Variants in CFAP299 observed in about 807,000 individuals in gnomAD.
CFAP299 encodes cilia and flagella associated protein 299, also known as cilia- and flagella-associated protein 299.
In CFAP299, 21 loss-of-function variants were observed where a neutral mutation model predicts 27.0. The observed-to-expected ratio is 0.78, with a 90% CI of 0.55 to 1.12. The LOEUF (loss-of-function observed/expected upper bound fraction) is 1.12. CFAP299 is among the 50% of genes most tolerant of loss of function. CFAP299 has a pLI of 0.00. For missense variants in CFAP299, 310 were observed against 276.6 expected (o/e 1.12, Z -0.86); for synonymous variants, 104 against 98.1 (o/e 1.06, Z -0.36).
intron 3 of CFAP299, among the ~76,000 whole-genome samples, chr4:80,626,782 T>A (rs938949727): frequency 6.6e-6 from 1 of 151,738 alleles, no homozygotes; most frequent in Non-Finnish European, 1.5e-5. Context: ...AATTATTTGA[T>A]GCTTTTATTA....
In CFAP299 at chr4:80,397,431, A is replaced by T. The variant is rs539256953; in HGVS notation, c.242+34547A>T. ...TTTCTTGCCTTGTGCTAGCTTTTGA[A>T]TGTGTTTGCTCTTGCTTCTCTAGTT... is the stretch of plus-strand genomic sequence containing the variant. On this transcript the variant is annotated intron_variant, in intron 2 of 5. Coordinates refer to ENST00000358105, the MANE Select transcript of CFAP299 (RefSeq NM_152770.3). 2.0e-5 allele frequency among the ~76,000 whole-genome samples: 3 copies of T among 152,050 alleles called. No individual in the cohort carries two copies. In the East Asian group the frequency reaches 5.8e-4, roughly 29 times the overall value.
chr4:80,464,103 C>T (rs1450331817), intron 2 of CFAP299, among the ~76,000 whole-genome samples: 2 of 151,714 alleles, frequency 1.3e-5, no homozygotes, highest in East Asian at 1.9e-4. Context: ...TTTTTAAATG[C>T]ACTCTCCAAT....
intron 1 of CFAP299, among the ~76,000 whole-genome samples, chr4:80,342,317 A>G (rs781117265): frequency 6.6e-6 from 1 of 152,246 alleles, no homozygotes; most frequent in Non-Finnish European, 1.5e-5. Context: ...AAATACAGAC[A>G]ACTCTAGTAA....
chr4:80,560,173 AC>A (rs1372973175), intron 2 of CFAP299, among the ~76,000 whole-genome samples: 3 of 151,668 alleles, frequency 2.0e-5, no homozygotes, highest in Admixed American at 2.0e-4. Context: ...GAGTTGTGAG[AC>A]CCCTGTTTCA....
At chr4:80,600,437 C>T (rs1373249025) in intron 3 of CFAP299, among the ~76,000 whole-genome samples, 1 of 152,028 alleles carries the variant, frequency 6.6e-6, no homozygotes, top group East Asian at 1.9e-4. Context: ...AACATTTAAC[C>T]AGCTTCTGTT....
chr4:80,441,629 A>G (rs1160532235), intron 2 of CFAP299, among the ~76,000 whole-genome samples: 2 of 152,200 alleles, frequency 1.3e-5, no homozygotes, highest in Admixed American at 6.5e-5. Context: ...CATCAACACT[A>G]TAAAGAAACT....
chr4:80,321,698 A>G, the CFAP299 span, among the ~76,000 whole-genome samples: 1 of 152,214 alleles, frequency 6.6e-6, no homozygotes, highest in Non-Finnish European at 1.5e-5. Context: ...AACATATCTT[A>G]GATCCAATAC....
chr4:80,728,575 A>G (rs956737436), intron 3 of CFAP299, among the ~76,000 whole-genome samples: 2 of 152,132 alleles, frequency 1.3e-5, no homozygotes, highest in Admixed American at 1.3e-4. Flanking sequence ...TTATTAACCA[A>G]TCCAGAAGCC....
intron 1 of CFAP299, among the ~76,000 whole-genome samples, chr4:80,357,898 C>T (rs1456145952): frequency 1.3e-5 from 2 of 152,018 alleles, no homozygotes; most frequent in African/African-American, 4.8e-5. Flanking sequence ...TTTGTTTTCT[C>T]TTGATCCTCT....
intron 2 of CFAP299, among the ~76,000 whole-genome samples, chr4:80,515,505 A>T (rs527270656): frequency 2.6e-5 from 4 of 152,288 alleles, no homozygotes; most frequent in Admixed American, 2.6e-4. Flanking sequence ...AAATGTTTGC[A>T]TATTTCTATA....
At chr4:80,571,645 T>G (rs749814515) in intron 2 of CFAP299, among the ~76,000 whole-genome samples, 1 of 151,922 alleles carries the variant, frequency 6.6e-6, no homozygotes, top group Non-Finnish European at 1.5e-5. Context: ...TATCATGGTA[T>G]TTGGAGACTG....
chr4:80,386,761 C>T (rs768072806), intron 2 of CFAP299: 61 of 1,437,224 alleles, frequency 4.2e-5, no homozygotes, highest in Non-Finnish European at 5.5e-5. Flanking sequence ...TCAGCTTGTC[C>T]GGCCGGTTGA....
At chr4:80,646,442 G>A (rs1740014402) in intron 3 of CFAP299, among the ~76,000 whole-genome samples, 1 of 152,062 alleles carries the variant, frequency 6.6e-6, no homozygotes, top group African/African-American at 2.4e-5. Flanking sequence ...TAATTACAAT[G>A]GATCTACTGT....
At chr4:80,692,014 A>G (rs537469808) in intron 3 of CFAP299, among the ~76,000 whole-genome samples, 1 of 152,274 alleles carries the variant, frequency 6.6e-6, no homozygotes, top group Admixed American at 6.5e-5. Flanking sequence ...TTCAAGGAGA[A>G]CTACAAACCA....
chr4:80,535,494 CAAAAAAAAAAAAAAAA>C (rs143122836), intron 2 of CFAP299, among the ~76,000 whole-genome samples: 2 of 33,252 alleles, frequency 6.0e-5, no homozygotes, highest in Non-Finnish European at 1.6e-4. Context: ...GACTCCGTCT[CAAAAAAAAAAAAAAAA>C]AAAAAAAAAA....
intron 5 of CFAP299, among the ~76,000 whole-genome samples, chr4:80,951,777 A>G (rs1032530574): frequency 6.6e-6 from 1 of 152,216 alleles, no homozygotes; most frequent in Admixed American, 6.5e-5. Context: ...ATGTATATGC[A>G]TAAAGCTATC....
intron 3 of CFAP299, among the ~76,000 whole-genome samples, chr4:80,861,347 G>A (rs911779436): frequency 1.3e-5 from 2 of 152,170 alleles, no homozygotes; most frequent in Non-Finnish European, 2.9e-5. Context: ...GGAACTCCCT[G>A]ACCCCTTGCG....
At chr4:80,775,411 A>G (rs991815393) in intron 3 of CFAP299, among the ~76,000 whole-genome samples, 2 of 152,008 alleles carry the variant, frequency 1.3e-5, no homozygotes, top group Non-Finnish European at 2.9e-5. Flanking sequence ...TGTATATTTA[A>G]TTTATTTATT....
At chr4:80,481,825 C>T (rs1184756069) in intron 2 of CFAP299, among the ~76,000 whole-genome samples, 1 of 151,936 alleles carries the variant, frequency 6.6e-6, no homozygotes, top group East Asian at 1.9e-4. Flanking sequence ...GATAGTAGTG[C>T]TACCATATAT....
Sources: gnomAD v4.1 joint callset for allele counts (sites outside exome capture counted in the v4.1 genomes callset) on GRCh38, gnomAD v4.1.1 for gene constraint, MANE v1.5 for transcripts, NCBI Gene and HGNC (gene_info 2026-07-23, HGNC 2026-07-21) for gene names.